ORC5: variants seen among roughly 807,000 people sequenced by gnomAD.
ORC5 encodes protein phosphatase 1, regulatory subunit 117.
Under a neutral mutation model 58.8 loss-of-function variants are expected in ORC5, and 39 were observed. The observed-to-expected ratio is 0.66, with a 90% CI of 0.51 to 0.87. The LOEUF (loss-of-function observed/expected upper bound fraction) is 0.87, where lower values mean the gene tolerates loss of function less well. ORC5 is among the 40% of genes least tolerant of loss of function. The probability of loss-of-function intolerance (pLI) is 0.00; values close to 1 mark genes in which losing one functional copy is unlikely to be tolerated. For synonymous variants in ORC5, 218 were observed against 177.6 expected (o/e 1.23, Z -1.81); for missense variants, 493 against 506.3 (o/e 0.97, Z 0.25).
intron 12 of ORC5, among the ~76,000 whole-genome samples, chr7:104,159,321 C>T (rs1256461700): frequency 2.6e-4 from 22 of 84,646 alleles, no homozygotes; most frequent in African/African-American, 1.1e-3. Flanking sequence ...ACTCTGGGGA[C>T]TGTTGTGGGG....
In ORC5 at chr7:104,138,612, G is replaced by A. The variant is rs990346684; in HGVS notation, c.1150-1719C>T. ...GCAGCCTCAACCTCCCCAGACTCAG[G>A]TGATCCTCCCACAGCAGCCTCCTGA... On this transcript the variant is annotated intron_variant, in intron 12 of 13. Coordinates refer to ENST00000297431, the MANE Select transcript of ORC5 (RefSeq NM_002553.4). The surrounding 1 kb of genome is among the most constrained non-coding windows in gnomAD (Gnocchi z 4.7). 3.9e-5 allele frequency among the ~76,000 whole-genome samples: 6 copies of A among 151,934 alleles called. No individual in the cohort carries two copies. Among genetic ancestry groups the A allele is most frequent in the Admixed American group, 6.6e-5 (1 of 15,256 alleles).
chr7:104,128,787 C>A (rs1410407948), intron 13 of ORC5, among the ~76,000 whole-genome samples: 1 of 149,628 alleles, frequency 6.7e-6, no homozygotes, highest in African/African-American at 2.5e-5. Context: ...ACAGAAAAGG[C>A]AAGTGGTATT....
At chr7:104,167,905 AAAAACAC>A (rs1799134659) in intron 9 of ORC5, 1 of 152,222 alleles carries the variant, frequency 6.6e-6, no homozygotes, top group African/African-American at 2.4e-5. Flanking sequence ...TAAAAACCAA[AAAAACAC>A]AAAACAGCAC....
chr7:104,144,271 G>A (rs1009743875), intron 12 of ORC5, among the ~76,000 whole-genome samples: 2 of 152,070 alleles, frequency 1.3e-5, no homozygotes, highest in East Asian at 1.9e-4. Flanking sequence ...AATCTCAAAC[G>A]TATTAGTTTA....
chr7:104,191,106 T>A (rs1799665038), intron 5 of ORC5, among the ~76,000 whole-genome samples: 1 of 150,210 alleles, frequency 6.7e-6, no homozygotes, highest in African/African-American at 2.5e-5. Flanking sequence ...TGCTTTTTTA[T>A]TTCAAAACTG....
intron 12 of ORC5, among the ~76,000 whole-genome samples, chr7:104,156,931 T>C (rs1204636437): frequency 1.3e-5 from 2 of 151,946 alleles, no homozygotes; most frequent in Admixed American, 1.3e-4. Context: ...AAGGTCTGTT[T>C]GCCTGGCTCA....
At chr7:104,126,952 A>G in intron 13 of ORC5, 59 bp from the exon 14 acceptor site, 2 of 1,253,946 alleles carry the variant, frequency 1.6e-6, no homozygotes, top group Non-Finnish European at 2.3e-6. Context: ...TCAGCTTTGT[A>G]TGATTCTGGA....
chr7:104,167,207 T>C (rs1042025790), intron 9 of ORC5, among the ~76,000 whole-genome samples: 38 of 152,220 alleles, frequency 2.5e-4, no homozygotes, highest in East Asian at 7.7e-4. Flanking sequence ...TTATTTCTAC[T>C]ATGAATTCCT....
chr7:104,195,574 A>G (rs1469716762), intron 4 of ORC5, among the ~76,000 whole-genome samples: 1 of 152,118 alleles, frequency 6.6e-6, no homozygotes, highest in Non-Finnish European at 1.5e-5. Context: ...TATCTTTTAT[A>G]AAGACAGGAT....
chr7:104,127,077 A>T (rs1016006880), intron 13 of ORC5, among the ~76,000 whole-genome samples, 184 bp from the exon 14 acceptor site: 12 of 143,376 alleles, frequency 8.4e-5, no homozygotes, highest in African/African-American at 2.5e-4. Context: ...CAATATTTTA[A>T]TTTTTTTTTT....
intron 11 of ORC5, among the ~76,000 whole-genome samples, chr7:104,162,678 G>T (rs1333364963): frequency 2.6e-5 from 4 of 152,148 alleles, no homozygotes; most frequent in Non-Finnish European, 4.4e-5. Flanking sequence ...AAAGAGTACA[G>T]AAGTGAATAT....
At chr7:104,188,509 CTA>C in intron 5 of ORC5, 128 bp from the exon 6 acceptor site, 1 of 596,856 alleles carries the variant, frequency 1.7e-6, no homozygotes, top group Non-Finnish European at 2.9e-6. Context: ...AATAATAAAA[CTA>C]TTACAAGATT....
intron 8 of ORC5, among the ~76,000 whole-genome samples, chr7:104,174,436 A>C (rs1402828974): frequency 6.6e-6 from 1 of 152,228 alleles, no homozygotes; most frequent in African/African-American, 2.4e-5. Flanking sequence ...AGGCATGCCA[A>C]AACAATCTAC....
At chr7:104,147,814 T>C (rs551885797) in intron 12 of ORC5, among the ~76,000 whole-genome samples, 2 of 152,196 alleles carry the variant, frequency 1.3e-5, no homozygotes, top group East Asian at 1.9e-4. Context: ...ATACTTCACA[T>C]TGGGTGTTGA....
Position 104,207,997 on chromosome 7 carries a change from C to G in ORC5, c.-93G>C. 1 of 1,214,526 alleles carries G rather than the reference C, an allele frequency of 8.2e-7. No individual in the cohort carries two copies. Among genetic ancestry groups the G allele is most frequent in the Admixed American group, 1.9e-5 (1 of 53,530 alleles). 75.2% of individuals were successfully genotyped at this position (1,214,526 alleles called of 1,614,324 possible). A position where few individuals can be genotyped will look rare whatever the true frequency, so the allele number is the denominator to read the frequency against. The stretch of plus-strand genomic sequence containing the variant: ...TCCCGAGTCTGGCGGCCCACGCTCC[C>G]GCCGGAAACCGGACCCGCAGCGTCG... On this transcript the variant is annotated 5_prime_UTR_variant, in exon 1 of 14. Coordinates refer to ENST00000297431, the MANE Select transcript of ORC5 (RefSeq NM_002553.4).
At chr7:104,147,371 T>C (rs952569285) in intron 12 of ORC5, among the ~76,000 whole-genome samples, 19 of 152,200 alleles carry the variant, frequency 1.2e-4, no homozygotes, top group Non-Finnish European at 1.8e-4. Flanking sequence ...AACCGGAGTG[T>C]TCTATTTTTC....
chr7:104,194,708 A>G (rs10281636), intron 5 of ORC5, among the ~76,000 whole-genome samples: 16,970 of 152,108 alleles, frequency 0.11, 1,678 homozygotes, highest in African/African-American at 0.27. Flanking sequence ...TATGCTTTAC[A>G]AGTCTAGTCT....
chr7:104,130,585 A>G (rs1798498126), intron 13 of ORC5, among the ~76,000 whole-genome samples: 2 of 152,188 alleles, frequency 1.3e-5, no homozygotes, highest in Non-Finnish European at 2.9e-5. Flanking sequence ...GTAATTTAGC[A>G]TACAGTTCAG....
intron 12 of ORC5, among the ~76,000 whole-genome samples, chr7:104,150,401 A>G (rs1798824944): frequency 6.6e-6 from 1 of 152,094 alleles, no homozygotes; most frequent in African/African-American, 2.4e-5. Context: ...AATTCAGGAG[A>G]CTTGACGGTT....
Sources: allele counts gnomAD v4.1 joint callset (sites outside exome capture counted in the v4.1 genomes callset), GRCh38; gene constraint gnomAD v4.1.1; non-coding constraint Gnocchi (gnomAD v3.1); transcripts MANE v1.5; gene names NCBI Gene and HGNC (gene_info 2026-07-23, HGNC 2026-07-21).